CSMD2: variants seen among roughly 807,000 people sequenced by gnomAD.
The protein encoded by CSMD2 is CUB and sushi domain-containing protein 2.
Under a neutral mutation model 398.5 loss-of-function variants are expected in CSMD2, and 130 were observed. That is an observed-to-expected ratio of 0.33 (90% CI 0.28 to 0.38). CSMD2 has a LOEUF of 0.38. Ranked by LOEUF, CSMD2 falls within the 10% of genes least tolerant of loss-of-function variation. The probability of loss-of-function intolerance (pLI) is 1.00; values close to 1 mark genes in which losing one functional copy is unlikely to be tolerated. For synonymous variants in CSMD2, 1,828 were observed against 1,908.5 expected, an observed-to-expected ratio of 0.96 and a Z score of 1.10; for missense variants, 3,829 against 4,764.9, an observed-to-expected ratio of 0.80 and a Z score of 5.78.
chr1:34,059,768 G>A (rs150744364), intron 2 of CSMD2, among the ~76,000 whole-genome samples: 4 of 150,014 alleles, frequency 2.7e-5, no homozygotes, highest in South Asian at 4.2e-4. Flanking sequence ...AGTAAAAGTC[G>A]ACATTGTCAG....
intron 25 of CSMD2, among the ~76,000 whole-genome samples, chr1:33,689,256 C>T (rs753523249): frequency 1.3e-5 from 2 of 152,168 alleles, no homozygotes; most frequent in Admixed American, 1.3e-4. Context: ...GCCACTCTAT[C>T]TCCATCTTTC....
intron 3 of CSMD2, among the ~76,000 whole-genome samples, chr1:33,963,736 A>C (rs1232393317): frequency 6.6e-6 from 1 of 152,216 alleles, no homozygotes; most frequent in African/African-American, 2.4e-5. Flanking sequence ...TGCTTGTATC[A>C]GTTCCTTCTT....
intron 41 of CSMD2, among the ~76,000 whole-genome samples, chr1:33,609,815 G>A (rs1640879499): frequency 6.6e-6 from 1 of 152,100 alleles, no homozygotes; most frequent in African/African-American, 2.4e-5. Flanking sequence ...GGTAGTGACA[G>A]GATGGGATTA....
chr1:33,995,441 C>A (rs1454463240), intron 3 of CSMD2, among the ~76,000 whole-genome samples: 1 of 152,170 alleles, frequency 6.6e-6, no homozygotes, highest in Admixed American at 6.5e-5. Context: ...GGACATCGGA[C>A]CTTGTCTTTT....
intron 2 of CSMD2, among the ~76,000 whole-genome samples, chr1:34,069,545 G>A (rs1444263568): frequency 3.3e-5 from 5 of 152,166 alleles, no homozygotes; most frequent in Admixed American, 6.5e-5. Flanking sequence ...AATGGTAAAG[G>A]CAGGATTCAA....
chr1:33,988,628 G>A (rs899691826), intron 3 of CSMD2, among the ~76,000 whole-genome samples: 2 of 152,050 alleles, frequency 1.3e-5, no homozygotes, highest in Non-Finnish European at 2.9e-5. Flanking sequence ...ATGAGAGCAG[G>A]GACTTGTTCC....
rs139358612 is a variant in CSMD2 at position 33,550,046 on chromosome 1, A to G, written c.8917+131T>C. The G allele has an allele frequency of 5.1e-4, 435 of 849,810 alleles. 2 individuals are homozygous for G. The African/African-American group carries it at 6.8e-3, about 13-fold the overall frequency. 52.6% of individuals were successfully genotyped at this position (849,810 alleles called of 1,614,324 possible). A position where few individuals can be genotyped will look rare whatever the true frequency, so the allele number is the denominator to read the frequency against. ...TGTCTTGCTGTGCTTTCTACCTGTT[A>G]GGGTAGATATAAGGGTTCTGAGGTC... is the stretch of plus-strand genomic sequence containing the variant. On this transcript the variant is annotated intron_variant, in intron 56 of 70. Transcript: ENST00000373381.
In CSMD2 at chr1:33,559,343, G is replaced by A. The variant is rs1025123413; in HGVS notation, c.8511C>T (p.Cys2837=). Residue 2837 remains cysteine (C), a synonymous_variant, in exon 54 of 71, where the codon TGC becomes TGT. Coordinates refer to ENST00000373381, the MANE Select transcript of CSMD2 (RefSeq NM_001281956.2). The surrounding 1 kb of genome is among the most constrained non-coding windows in gnomAD (Gnocchi z 4.0). ...YMAEGAARSQ[C]LASGQWSDML... ...TGTCACTCCATTGCCCGCTGGCCAGGCATTGGGACCTAGCAGCCCCCTCAG... is the reference window on the plus strand; with the variant it reads ...TGTCACTCCATTGCCCGCTGGCCAGACATTGGGACCTAGCAGCCCCCTCAG... 1.3e-6 allele frequency: 2 copies of A among 1,535,930 alleles called. No individual in the cohort carries two copies. The highest frequency in any genetic ancestry group is 1.7e-6 in the Non-Finnish European group (2 of 1,146,912).
intron 1 of CSMD2, among the ~76,000 whole-genome samples, chr1:34,160,815 A>C (rs891538350): frequency 2.0e-5 from 3 of 152,248 alleles, no homozygotes. Context: ...AGGCTGACTA[A>C]AAGCAAGCAC....
intron 40 of CSMD2, among the ~76,000 whole-genome samples, chr1:33,612,488 T>C (rs1474471271): frequency 6.6e-6 from 1 of 152,228 alleles, no homozygotes; most frequent in Non-Finnish European, 1.5e-5. Context: ...TTTACATAAA[T>C]GATATTATAC....
chr1:33,794,361 T>G (rs1654693004), intron 10 of CSMD2, among the ~76,000 whole-genome samples: 3 of 152,136 alleles, frequency 2.0e-5, no homozygotes. Context: ...TGCTTTTGAC[T>G]GGGAGAAAGG....
rs1393828176 is a variant in CSMD2 at position 33,571,555 on chromosome 1, C to T, written c.7934G>A (p.Gly2645Glu). 4 of 1,519,536 alleles carry T rather than the reference C, an allele frequency of 2.6e-6. No individual in the cohort carries two copies. Among genetic ancestry groups the T allele is most frequent in the Non-Finnish European group, 8.9e-7 (1 of 1,118,980 alleles). 94.1% of individuals were successfully genotyped at this position (1,519,536 alleles called of 1,614,324 possible). ...ACTTCGGCAGGTGGGCGTAGAGTCC[C>T]CGAGGCTCCATTTGCCATTGGCCTG... ...RCQANGKWSL[G>E]DSTPTCRIIS... Residue 2645 changes from glycine (G) to glutamate (E), a missense_variant, in exon 51 of 71, where the codon GGG (glycine) becomes GAG (glutamate). Physicochemically the swap from Gly to Glu is moderately conservative, Grantham distance 98 (BLOSUM62 -2). Transcript: ENST00000373381.
chr1:33,549,398 A>G (rs2148624530), intron 56 of CSMD2, among the ~76,000 whole-genome samples: 1 of 152,358 alleles, frequency 6.6e-6, no homozygotes, highest in East Asian at 1.9e-4. Flanking sequence ...GTCCCCCTCA[A>G]AGAAGACAAA....
chr1:33,607,564 C>T (rs1229185640), intron 41 of CSMD2, among the ~76,000 whole-genome samples: 2 of 152,216 alleles, frequency 1.3e-5, no homozygotes, highest in Non-Finnish European at 2.9e-5. Flanking sequence ...TTATTTGGGC[C>T]TATCACAAAT....
Position 33,583,830 on chromosome 1 carries a change from A to C in CSMD2, c.7052T>G (p.Val2351Gly). 6.2e-7 allele frequency: 1 copy of C among 1,612,184 alleles called. No individual in the cohort carries two copies. ...CAGAAGCTCATTTGTTGGACAGTGC[A>C]CTTGGAGAAAGAAAGAGAAACACCA... is the stretch of plus-strand genomic sequence containing the variant. ...QFEGPPPICE[V>G]HCPTNELLTD... Residue 2351 changes from valine to glycine, a missense_variant and splice_region_variant, in exon 47 of 71, where the codon GTG becomes GGG. This residue lies in a region of CSMD2 where 723 missense variants were observed against 758.6 expected (regional missense o/e 0.95). Coordinates refer to ENST00000373381, the MANE Select transcript of CSMD2 (RefSeq NM_001281956.2).
At chr1:33,922,251 G>A (rs1643967906) in intron 4 of CSMD2, among the ~76,000 whole-genome samples, 1 of 152,182 alleles carries the variant, frequency 6.6e-6, no homozygotes. Flanking sequence ...GAAGGCTGGG[G>A]ACTGAACAGA....
At chr1:33,568,878 T>C (rs1307475183) in intron 52 of CSMD2, among the ~76,000 whole-genome samples, 2 of 152,122 alleles carry the variant, frequency 1.3e-5, no homozygotes, top group African/African-American at 4.8e-5. Context: ...GACAGAACCA[T>C]AGAACCAGGG....
intron 41 of CSMD2, chr1:33,605,906 GGGA>G: frequency 2.5e-6 from 4 of 1,613,878 alleles, no homozygotes; most frequent in Non-Finnish European, 3.4e-6. Context: ...AAGCGGCGAC[GGGA>G]GGAGTTGAGT....
At position 33,909,006 on chromosome 1, in the gene CSMD2, G is replaced by A. The variant is rs183294811; in HGVS notation, c.920+9088C>T. Among the ~76,000 whole-genome samples the A allele has an allele frequency of 7.9e-4, 121 of 152,274 alleles. 1 individual carries two copies. Among genetic ancestry groups the A allele is most frequent in the Admixed American group, 7.1e-3 (108 of 15,294 alleles). ...CAAGGAAGGAGAGAGAAGCAAAGGCGTCACAAGCCCACAGGAAGGCAGGAG... is the reference window on the plus strand; with the variant it reads ...CAAGGAAGGAGAGAGAAGCAAAGGCATCACAAGCCCACAGGAAGGCAGGAG... On this transcript the variant is annotated intron_variant, in intron 5 of 70. Coordinates refer to ENST00000373381, the MANE Select transcript of CSMD2 (RefSeq NM_001281956.2).
Sources: allele counts gnomAD v4.1 joint callset (sites outside exome capture counted in the v4.1 genomes callset), GRCh38; gene constraint gnomAD v4.1.1; regional missense constraint gnomAD v4.1.1; non-coding constraint Gnocchi (gnomAD v3.1); transcripts MANE v1.5; gene names NCBI Gene and HGNC (gene_info 2026-07-23, HGNC 2026-07-21).